Variants in CFAP299 observed in about 807,000 individuals in gnomAD.
The protein encoded by CFAP299 is cilia- and flagella-associated protein 299.
Under a neutral mutation model 27.0 loss-of-function variants are expected in CFAP299, and 21 were observed. The observed-to-expected ratio is 0.78, with a 90% confidence interval of 0.55 to 1.12. CFAP299 has a LOEUF of 1.12. Ranked by LOEUF, CFAP299 falls within the 50% of genes most tolerant of loss-of-function variation. The pLI is 0.00. For synonymous variants in CFAP299, 104 were observed against 98.1 expected (o/e 1.06, Z -0.36); for missense variants, 310 against 276.6 (o/e 1.12, Z -0.86).
chr4:80,604,235 A>AC (rs551918029), intron 3 of CFAP299, among the ~76,000 whole-genome samples: 155 of 152,266 alleles, frequency 1.0e-3, no homozygotes, highest in African/African-American at 3.0e-3. Context: ...ATATCTTTTG[A>AC]TTGTCAAAAG....
At chr4:80,479,485 G>T (rs1730448243) in intron 2 of CFAP299, among the ~76,000 whole-genome samples, 1 of 151,872 alleles carries the variant, frequency 6.6e-6, no homozygotes, top group South Asian at 2.1e-4. Context: ...CATACAAAAA[G>T]CAGGTAAAAC....
At chr4:80,808,531 G>T (rs1471167632) in intron 3 of CFAP299, among the ~76,000 whole-genome samples, 1 of 151,958 alleles carries the variant, frequency 6.6e-6, no homozygotes, top group East Asian at 1.9e-4. Flanking sequence ...CTGACCTAAG[G>T]GGAATTTATT....
chr4:80,343,680 T>G (rs1209357716), intron 1 of CFAP299, among the ~76,000 whole-genome samples: 9 of 151,102 alleles, frequency 6.0e-5, no homozygotes, highest in Non-Finnish European at 8.8e-5. Flanking sequence ...TCCCAGCTAC[T>G]CGGGAGGCTG....
At chr4:80,834,096 A>C (rs1730439508) in intron 3 of CFAP299, among the ~76,000 whole-genome samples, 1 of 152,180 alleles carries the variant, frequency 6.6e-6, no homozygotes, top group Non-Finnish European at 1.5e-5. Context: ...TGTTCAGTGG[A>C]GGAGGGGATG....
At chr4:80,382,966 G>A (rs1724784160) in intron 2 of CFAP299, among the ~76,000 whole-genome samples, 1 of 152,262 alleles carries the variant, frequency 6.6e-6, no homozygotes, top group Middle Eastern at 3.4e-3. Context: ...TAAAGAAAAT[G>A]TGGTACATAT....
intron 3 of CFAP299, among the ~76,000 whole-genome samples, chr4:80,667,582 T>C (rs1741205865): frequency 1.3e-5 from 2 of 152,174 alleles, no homozygotes; most frequent in African/African-American, 4.8e-5. Context: ...TATGTGAACA[T>C]GCAATATTTG....
chr4:80,886,077 A>C (rs988352137), intron 4 of CFAP299, among the ~76,000 whole-genome samples: 1 of 152,172 alleles, frequency 6.6e-6, no homozygotes, highest in Non-Finnish European at 1.5e-5. Context: ...AGAACACCCC[A>C]CGGACTAGTG....
intron 3 of CFAP299, among the ~76,000 whole-genome samples, chr4:80,822,975 T>G (rs1729787305): frequency 6.6e-6 from 1 of 152,198 alleles, no homozygotes; most frequent in African/African-American, 2.4e-5. Flanking sequence ...CGTGAAGTTT[T>G]AGGAATAGTC....
intron 3 of CFAP299, among the ~76,000 whole-genome samples, chr4:80,688,856 A>G (rs961181879): frequency 1.2e-4 from 19 of 152,088 alleles, no homozygotes; most frequent in African/African-American, 4.6e-4. Context: ...AAAGGAGCTG[A>G]TGGAGCTGAA....
intron 3 of CFAP299, among the ~76,000 whole-genome samples, chr4:80,817,742 T>A (rs1729494095): frequency 6.6e-6 from 1 of 152,098 alleles, no homozygotes; most frequent in African/African-American, 2.4e-5. Flanking sequence ...TTTTCCAAAT[T>A]TCTCTTTACC....
At chr4:80,927,608 CT>C (rs1736370871) in intron 4 of CFAP299, among the ~76,000 whole-genome samples, 1 of 152,084 alleles carries the variant, frequency 6.6e-6, no homozygotes, top group South Asian at 2.1e-4. Flanking sequence ...TCCGGATGCT[CT>C]GGGGAGGAAT....
chr4:80,460,712 C>A (rs1025734569), intron 2 of CFAP299, among the ~76,000 whole-genome samples: 7 of 152,172 alleles, frequency 4.6e-5, no homozygotes, highest in African/African-American at 7.2e-5. Context: ...AAATCCAATT[C>A]TTTGCCTTTT....
chr4:80,600,878 G>T (rs1404189049), intron 3 of CFAP299, among the ~76,000 whole-genome samples: 1 of 152,102 alleles, frequency 6.6e-6, no homozygotes, highest in Non-Finnish European at 1.5e-5. Flanking sequence ...TTGGAAAAAG[G>T]CTTTGCCCTT....
In CFAP299 at chr4:80,689,085, C is replaced by T. The variant is rs1453713905; in HGVS notation, c.333+105902C>T. 6.6e-5 allele frequency among the ~76,000 whole-genome samples: 10 copies of T among 152,194 alleles called. No individual in the cohort carries two copies. In the South Asian group the frequency reaches 8.3e-4, roughly 13 times the overall value. ...GTCTGATTGGTGTACCTGAAAGTGA[C>T]GGGGAGAATGGAACCAAGTTGGAAA... is the stretch of plus-strand genomic sequence containing the variant. On this transcript the variant is annotated intron_variant, in intron 3 of 5. Transcript: ENST00000358105.
Position 80,626,466 on chromosome 4 carries a change from T to A in CFAP299, c.333+43283T>A, listed in dbSNP as rs1201046071. Among the ~76,000 whole-genome samples, 4 of 151,678 alleles carry A rather than the reference T, an allele frequency of 2.6e-5. No individual in the cohort carries two copies. The East Asian group carries it at 7.7e-4, about 29-fold the overall frequency. ...CAAATAAACAACCTAACATTGTACT[T>A]CAAGGAACTGCAAAAAACAGGAATA... is the stretch of plus-strand genomic sequence containing the variant. On this transcript the variant is annotated intron_variant, in intron 3 of 5. Coordinates refer to ENST00000358105, the MANE Select transcript of CFAP299 (RefSeq NM_152770.3).
intron 3 of CFAP299, among the ~76,000 whole-genome samples, chr4:80,772,526 G>C (rs1363927077): frequency 6.6e-6 from 1 of 151,950 alleles, no homozygotes; most frequent in African/African-American, 2.4e-5. Flanking sequence ...ACTTGAGAAA[G>C]CATACTTTCC....
chr4:80,900,317 C>G (rs1734824300), intron 4 of CFAP299, among the ~76,000 whole-genome samples: 1 of 152,072 alleles, frequency 6.6e-6, no homozygotes, highest in Admixed American at 6.6e-5. Flanking sequence ...TTTTATGTTT[C>G]TCTCTTATTA....
rs371921606 is a variant in CFAP299, at chr4:80,656,391, A to T, written c.333+73208A>T. The stretch of plus-strand genomic sequence containing the variant: ...CCCTCCCCTAGTGCCCCAGCCCCCG[A>T]CAGACCCCTGTGTGTGATGTTCCCC... On this transcript the variant is annotated intron_variant, in intron 3 of 5. Transcript: ENST00000358105. Among the ~76,000 whole-genome samples, 168 of 151,790 alleles carry T rather than the reference A, an allele frequency of 1.1e-3. 2 individuals are homozygous for T. In the South Asian group the frequency reaches 0.019, roughly 17 times the overall value.
chr4:80,811,452 T>C (rs1250887816), intron 3 of CFAP299, among the ~76,000 whole-genome samples: 1 of 152,174 alleles, frequency 6.6e-6, no homozygotes, highest in Non-Finnish European at 1.5e-5. Flanking sequence ...GTTAATATGA[T>C]GGGTGTATTG....
Sources: allele counts gnomAD v4.1 joint callset (sites outside exome capture counted in the v4.1 genomes callset), GRCh38; gene constraint gnomAD v4.1.1; transcripts MANE v1.5; gene names NCBI Gene and HGNC (gene_info 2026-07-23, HGNC 2026-07-21).